Variants in DNAH7 observed in about 807,000 individuals in gnomAD.
DNAH7 encodes dynein axonemal heavy chain 7, also known as axonemal beta dynein heavy chain 7.
Under a neutral mutation model 444.6 loss-of-function variants are expected in DNAH7, and 397 were observed. The observed-to-expected ratio is 0.89, with a 90% CI of 0.82 to 0.97. The LOEUF is 0.97. Ranked by LOEUF, DNAH7 falls within the 50% of genes least tolerant of loss-of-function variation. The probability of loss-of-function intolerance (pLI) is 0.00; values close to 1 mark genes in which losing one functional copy is unlikely to be tolerated. For synonymous variants in DNAH7, 1,636 were observed against 1,624.4 expected, an observed-to-expected ratio of 1.01 and a Z score of -0.17; for missense variants, 4,902 against 4,800.8, an observed-to-expected ratio of 1.02 and a Z score of -0.62.
At chr2:196,004,862 G>A (rs1694261959) in intron 10 of DNAH7, among the ~76,000 whole-genome samples, 1 of 151,482 alleles carries the variant, frequency 6.6e-6, no homozygotes, top group Non-Finnish European at 1.5e-5. Flanking sequence ...ACAGGAGGCT[G>A]AGGTGGGAGG....
At chr2:195,742,140 G>T (rs1285643508) in intron 63 of DNAH7, among the ~76,000 whole-genome samples, 1 of 152,148 alleles carries the variant, frequency 6.6e-6, no homozygotes, top group African/African-American at 2.4e-5. Context: ...TTGATTCCAG[G>T]GCAGTGGAGG....
chr2:195,829,043 G>A (rs77758099), intron 48 of DNAH7, among the ~76,000 whole-genome samples: 340 of 152,156 alleles, frequency 2.2e-3, no homozygotes, highest in African/African-American at 7.2e-3. Context: ...AAGAGCTGTC[G>A]TACTTAAGCC....
chr2:195,884,482 T>A, intron 35 of DNAH7, 103 bp downstream of exon 35: 1 of 807,582 alleles, frequency 1.2e-6, no homozygotes, highest in African/African-American at 1.7e-5. Flanking sequence ...TCTCTTATGG[T>A]AAATAGTGAT....
rs1689077251 is a variant in DNAH7, at chr2:195,936,707, T to C, written c.3164A>G (p.Lys1055Arg). The C allele has an allele frequency of 6.2e-7, 1 of 1,605,226 alleles. No individual in the cohort carries two copies. Among genetic ancestry groups the C allele is most frequent in the Admixed American group, 1.7e-5 (1 of 58,754 alleles). The change falls in exon 20 of 65, where the codon AAA becomes AGA. Residue 1055 changes from lysine to arginine, a missense_variant. Coordinates refer to ENST00000312428, the MANE Select transcript of DNAH7 (RefSeq NM_018897.3). Reference sequence around the variant, plus strand: ...CTTTTCCAAATATTCATTAAGTCCTTTAAGAATGAGCTCCAAAAGTTCATT... The same window carrying C: ...CTTTTCCAAATATTCATTAAGTCCTCTAAGAATGAGCTCCAAAAGTTCATT... ...KSNELLELIL[K>R]GLNEYLEKKR...
chr2:195,990,049 GCCT>G, intron 12 of DNAH7, among the ~76,000 whole-genome samples: 1 of 152,236 alleles, frequency 6.6e-6, no homozygotes, highest in East Asian at 1.9e-4. Context: ...TTTATTCACT[GCCT>G]CCTTTGTGCA....
intron 1 of DNAH7, among the ~76,000 whole-genome samples, chr2:196,061,103 C>T (rs1463572168): frequency 6.6e-6 from 1 of 152,086 alleles, no homozygotes; most frequent in African/African-American, 2.4e-5. Context: ...GGTACGAGCA[C>T]TTAAAATCTA....
intron 57 of DNAH7, among the ~76,000 whole-genome samples, chr2:195,788,252 G>C (rs187223265): frequency 2.0e-5 from 3 of 152,298 alleles, no homozygotes; most frequent in Non-Finnish European, 2.9e-5. Context: ...TGAGCAGTCA[G>C]TATCAGCAGC....
At chr2:195,857,338 C>G (rs753202257) in intron 44 of DNAH7, 39 bp downstream of exon 44, 2 of 1,476,508 alleles carry the variant, frequency 1.4e-6, no homozygotes, top group South Asian at 2.8e-5. Context: ...GAAGTGAAGA[C>G]AGACCATACC....
At chr2:195,951,354 T>C (rs539894443) in intron 19 of DNAH7, among the ~76,000 whole-genome samples, 7 of 152,310 alleles carry the variant, frequency 4.6e-5, no homozygotes, top group Non-Finnish European at 8.8e-5. Flanking sequence ...AGTGTTTTAC[T>C]TCCAATTATG....
chr2:195,830,715 G>C (rs367948698), intron 48 of DNAH7, among the ~76,000 whole-genome samples: 9 of 152,302 alleles, frequency 5.9e-5, no homozygotes, highest in African/African-American at 2.2e-4. Context: ...GGATGGAAGA[G>C]CAAAAACAAG....
In DNAH7 at chr2:195,854,340, G is replaced by A. The variant is rs181281415; in HGVS notation, c.8596-812C>T. Among the ~76,000 whole-genome samples the A allele has an allele frequency of 5.3e-5, 8 of 152,076 alleles. No individual in the cohort carries two copies. In the East Asian group the frequency reaches 1.2e-3, roughly 22 times the overall value. On this transcript the variant is annotated intron_variant, in intron 45 of 64. Coordinates refer to ENST00000312428, the MANE Select transcript of DNAH7 (RefSeq NM_018897.3). ...GATAAATTCAACAATCAACAAAAAC[G>A]AAGACATTTAGGTTATTTTGGAATA...
intron 38 of DNAH7, among the ~76,000 whole-genome samples, chr2:195,875,150 C>T (rs1359471193): frequency 2.0e-5 from 3 of 152,172 alleles, no homozygotes; most frequent in East Asian, 3.9e-4. Flanking sequence ...GATCTTTTGG[C>T]CATTCCCTAC....
chr2:195,888,571 G>A (rs1701840101), intron 32 of DNAH7, 137 bp from the exon 33 acceptor site: 11 of 1,033,338 alleles, frequency 1.1e-5, no homozygotes, highest in South Asian at 1.9e-5. Context: ...TCATGATGTC[G>A]ATTTTTGTGT....
At chr2:195,907,604 TTGTG>T (rs200107226) in intron 25 of DNAH7, among the ~76,000 whole-genome samples, 2,942 of 152,250 alleles carry the variant, frequency 0.019, 45 homozygotes, top group Non-Finnish European at 0.03. Context: ...ATTTTATAGA[TTGTG>T]TGTGTGCATG....
chr2:195,859,102 C>G (rs1699880651), intron 42 of DNAH7, among the ~76,000 whole-genome samples: 1 of 152,178 alleles, frequency 6.6e-6, no homozygotes, highest in Non-Finnish European at 1.5e-5. Context: ...CAAGGAGTCT[C>G]CTGTATCAAA....
intron 17 of DNAH7, among the ~76,000 whole-genome samples, chr2:195,963,343 G>A (rs1247501665): frequency 6.6e-6 from 1 of 152,124 alleles, no homozygotes; most frequent in Non-Finnish European, 1.5e-5. Context: ...GTTTTGATTT[G>A]CATGTCTCTG....
At chr2:195,871,967 A>AAAAAAAC in intron 40 of DNAH7, among the ~76,000 whole-genome samples, 1 of 148,596 alleles carries the variant, frequency 6.7e-6, no homozygotes, top group Non-Finnish European at 1.5e-5. Context: ...AAAAAAAAAA[A>AAAAAAAC]AACTACTTAA....
chr2:195,995,182 C>G (rs1334080557), intron 12 of DNAH7: 1 of 331,060 alleles, frequency 3.0e-6, no homozygotes, highest in African/African-American at 2.2e-5. Context: ...CCCACCTTGG[C>G]CTCCCAAAGT....
intron 15 of DNAH7, among the ~76,000 whole-genome samples, chr2:195,974,060 G>A (rs1395594154): frequency 6.6e-6 from 1 of 152,020 alleles, no homozygotes; most frequent in South Asian, 2.1e-4. Context: ...CTGGGTGACA[G>A]AATGAGACTC....
Sources: gnomAD v4.1 joint callset for allele counts (sites outside exome capture counted in the v4.1 genomes callset) on GRCh38, gnomAD v4.1.1 for gene constraint, MANE v1.5 for transcripts, NCBI Gene and HGNC (gene_info 2026-07-23, HGNC 2026-07-21) for gene names.